Variants in RRP12 observed in about 807,000 individuals in gnomAD.
RRP12 encodes RRP12-like protein.
In RRP12, 78 loss-of-function variants were observed where a neutral mutation model predicts 157.3. The observed-to-expected ratio is 0.50, with a 90% confidence interval of 0.41 to 0.60. The LOEUF (loss-of-function observed/expected upper bound fraction) is 0.60. RRP12 is among the 20% of genes least tolerant of loss of function. The pLI, the probability that RRP12 is intolerant of heterozygous loss-of-function variation, is 0.00. For missense variants in RRP12, 1,521 were observed against 1,679.9 expected (o/e 0.91, Z 1.65); for synonymous variants, 726 against 670.9 (o/e 1.08, Z -1.27).
At chr10:97,366,371 C>T (rs1843980018) in intron 28 of RRP12, 75 bp downstream of exon 28, 3 of 1,554,330 alleles carry the variant, frequency 1.9e-6, no homozygotes. Context: ...TGGATGCCAC[C>T]CCCTACCCAC....
chr10:97,363,992 G>T lies in RRP12; in HGVS notation c.3518-89C>A, dbSNP rs535912230. ...CTGCCCCCTCCTGGCTCACCAGGCTGCGGGGCCACCAACTCCGGCCCCAGA... is the reference window on the plus strand; with the variant it reads ...CTGCCCCCTCCTGGCTCACCAGGCTTCGGGGCCACCAACTCCGGCCCCAGA... On this transcript the variant is annotated intron_variant, in intron 29 of 33. Transcript: ENST00000370992. The T allele has an allele frequency of 8.5e-6, 10 of 1,179,320 alleles. No individual in the cohort carries two copies. In the African/African-American group the frequency reaches 1.2e-4, roughly 14 times the overall value. The allele number at this position is 1,179,320 out of a possible 1,614,324, so 73.1% of individuals were successfully genotyped here.
chr10:97,392,821 A>G (rs1035164952), intron 4 of RRP12, among the ~76,000 whole-genome samples: 1 of 151,798 alleles, frequency 6.6e-6, no homozygotes, highest in African/African-American at 2.4e-5. Context: ...CCTCCCGAGT[A>G]GCTGAATTAC....
chr10:97,393,317 G>C, intron 4 of RRP12: 1 of 443,716 alleles, frequency 2.3e-6, no homozygotes. Context: ...GGGAAGCACT[G>C]CAGGCCCTAT....
chr10:97,395,352 G>T (rs1225401797), intron 3 of RRP12, among the ~76,000 whole-genome samples: 1 of 150,616 alleles, frequency 6.6e-6, no homozygotes, highest in Non-Finnish European at 1.5e-5. Flanking sequence ...GCGAGTTCGA[G>T]ACCAGCCGGG....
At chr10:97,375,279 A>AAT (rs397694288) in intron 15 of RRP12, among the ~76,000 whole-genome samples, 6 of 149,352 alleles carry the variant, frequency 4.0e-5, no homozygotes, top group Non-Finnish European at 8.9e-5. Context: ...AAAAAAAAAA[A>AAT]TTTTTATAGA....
intron 30 of RRP12, among the ~76,000 whole-genome samples, chr10:97,363,083 C>T (rs1397008026): frequency 3.9e-5 from 6 of 152,260 alleles, no homozygotes; most frequent in African/African-American, 9.6e-5. Flanking sequence ...CAGAGTCTGC[C>T]GCTTCCCCAC....
intron 25 of RRP12, 58 bp from the exon 26 acceptor site, chr10:97,367,190 T>C (rs1844014182): frequency 6.9e-7 from 1 of 1,445,398 alleles, no homozygotes; most frequent in African/African-American, 1.4e-5. Context: ...GCGCCCCCTT[T>C]ACTGCTGTCC....
In RRP12 at chr10:97,360,556, A is replaced by AG. The variant is rs1464790873; in HGVS notation, c.3629dup (p.Gln1211SerfsTer22). ...GAGTGGAAGCCTCACCTTGGTACTGAGGGGGTATCTCCAGCTCCTCCTCCT... is the reference window on the plus strand; with the variant it reads ...GAGTGGAAGCCTCACCTTGGTACTGAGGGGGGTATCTCCAGCTCCTCCTCCT... On this transcript the variant is annotated frameshift_variant, in exon 31 of 34. Transcript: ENST00000370992. LOFTEE classifies it high-confidence loss of function. The AG allele has an allele frequency of 6.2e-7, 1 of 1,613,114 alleles. No individual in the cohort carries two copies. The highest frequency in any genetic ancestry group is 1.3e-5 in the African/African-American group (1 of 74,854).
chr10:97,385,249 G>A lies in RRP12; in HGVS notation c.1125C>T (p.Tyr375=), dbSNP rs754192216. The change falls in exon 10 of 34, where the codon TAC becomes TAT. Residue 375 remains tyrosine (Y), a synonymous_variant. Coordinates refer to ENST00000370992, the MANE Select transcript of RRP12 (RefSeq NM_015179.4). ...ELNAQIITAL[Y]DYVPSENDLQ... ...AATCATTCTCACTGGGAACATAGTCGTACAGGGCCTAAAAGTGGGAATAAG... is the reference window on the plus strand; with the variant it reads ...AATCATTCTCACTGGGAACATAGTCATACAGGGCCTAAAAGTGGGAATAAG... The A allele has an allele frequency of 2.6e-5, 42 of 1,613,470 alleles. No individual in the cohort carries two copies. Among genetic ancestry groups the A allele is most frequent in the South Asian group, 1.4e-4 (13 of 91,078 alleles).
intron 17 of RRP12, 65 bp from the exon 18 acceptor site, chr10:97,373,265 G>C: frequency 6.5e-7 from 1 of 1,546,636 alleles, no homozygotes; most frequent in Non-Finnish European, 8.8e-7. Flanking sequence ...TGGCTGCTGG[G>C]GCTGTGGCCC....
chr10:97,377,215 C>A (rs1229068189), intron 15 of RRP12, among the ~76,000 whole-genome samples: 1 of 151,556 alleles, frequency 6.6e-6, no homozygotes, highest in Non-Finnish European at 1.5e-5. Flanking sequence ...ATAACTCTGT[C>A]ATTAAAAAGT....
At chr10:97,397,394 T>C (rs1844996335) in intron 2 of RRP12, among the ~76,000 whole-genome samples, 2 of 151,890 alleles carry the variant, frequency 1.3e-5, no homozygotes, top group South Asian at 4.1e-4. Context: ...ACTTCTGACC[T>C]CAAGTGATCT....
In RRP12 at chr10:97,368,365, C is replaced by T. The variant is rs377611288; in HGVS notation, c.2955+1060G>A. 1.1e-4 allele frequency among the ~76,000 whole-genome samples: 17 copies of T among 148,232 alleles called. No individual in the cohort carries two copies. The East Asian group carries it at 2.7e-3, about 23-fold the overall frequency. On this transcript the variant is annotated intron_variant, in intron 25 of 33. Coordinates refer to ENST00000370992, the MANE Select transcript of RRP12 (RefSeq NM_015179.4). Reference sequence around the variant, plus strand: ...CACTCTTGGAAGGGCTTCTATAAATCCCTTTTTTTTGAGACAGAGTCTTGC... The same window carrying T: ...CACTCTTGGAAGGGCTTCTATAAATTCCTTTTTTTTGAGACAGAGTCTTGC...
In RRP12 at chr10:97,371,047, C is replaced by T. The variant is rs748930329; in HGVS notation, c.2378G>A (p.Arg793Gln). Residue 793 changes from arginine to glutamine, a missense_variant, in exon 21 of 34, where the codon CGA becomes CAA. By Grantham distance (43) the Arg-to-Gln change is conservative (BLOSUM62 1). Coordinates refer to ENST00000370992, the MANE Select transcript of RRP12 (RefSeq NM_015179.4). ...KAHGVQKKAY[R>Q]VLEEVCASPQ... ...ACTGGCACACACCTCCTCCAGCACT[C>T]GGTAGGCCTTCTTCTGCACCCCGTG... 8 of 1,613,746 alleles carry T rather than the reference C, an allele frequency of 5.0e-6. No homozygotes were observed. Among genetic ancestry groups the T allele is most frequent in the Non-Finnish European group, 5.9e-6 (7 of 1,179,966 alleles).
At chr10:97,391,679 T>C (rs1456320754) in intron 4 of RRP12, among the ~76,000 whole-genome samples, 1 of 152,198 alleles carries the variant, frequency 6.6e-6, no homozygotes, top group African/African-American at 2.4e-5. Flanking sequence ...CCCAGCAGTT[T>C]GGGAGGCCGA....
rs1844397108 is a variant in RRP12 at position 97,379,329 on chromosome 10, A to C, written c.1762T>G (p.Tyr588Asp). ...QETRLGFFTTYFLPLANTLKS... is the reference protein window; with the variant it reads ...QETRLGFFTTDFLPLANTLKS... ...AGGGTGTTAGCCAGGGGCAAGAAGTAGGTGGTGAAAAAACCAAGTCGCGTT... is the reference window on the plus strand; with the variant it reads ...AGGGTGTTAGCCAGGGGCAAGAAGTCGGTGGTGAAAAAACCAAGTCGCGTT... Residue 588 changes from tyrosine (Y) to aspartate (D), a missense_variant, in exon 15 of 34, where the codon TAC becomes GAC. By Grantham distance (160) the Tyr-to-Asp change is radical (BLOSUM62 -3). Transcript: ENST00000370992. The C allele has an allele frequency of 1.9e-6, 3 of 1,614,134 alleles. No individual in the cohort carries two copies. Among genetic ancestry groups the C allele is most frequent in the Non-Finnish European group, 2.5e-6 (3 of 1,179,974 alleles).
intron 4 of RRP12, among the ~76,000 whole-genome samples, chr10:97,392,401 C>T (rs1844832723): frequency 6.6e-6 from 1 of 152,168 alleles, no homozygotes; most frequent in African/African-American, 2.4e-5. Flanking sequence ...CCAGGCTGGA[C>T]TGCAGTGGCT....
intron 17 of RRP12, 53 bp downstream of exon 17, chr10:97,373,522 G>A: frequency 6.6e-7 from 1 of 1,525,810 alleles, no homozygotes; most frequent in Non-Finnish European, 8.8e-7. Flanking sequence ...AGGGGATGGG[G>A]CCAGGGACCT....
chr10:97,388,067 TG>T, intron 8 of RRP12, 184 bp downstream of exon 8: 2 of 662,174 alleles, frequency 3.0e-6, no homozygotes, highest in Non-Finnish European at 2.5e-6. Flanking sequence ...AGCTTCCATC[TG>T]GAAGGGGACT....
Sources: allele counts gnomAD v4.1 joint callset (sites outside exome capture counted in the v4.1 genomes callset), GRCh38; gene constraint gnomAD v4.1.1; transcripts MANE v1.5; gene names NCBI Gene and HGNC (gene_info 2026-07-23, HGNC 2026-07-21).